AUTS2: variants seen among roughly 807,000 people sequenced by gnomAD.
AUTS2 encodes activator of transcription and developmental regulator AUTS2, also known as autism susceptibility gene 2 protein.
AUTS2 carries 17 observed loss-of-function variants against 112.4 expected under a neutral mutation model. The ratio of observed to expected loss-of-function variants is 0.15; its 90% CI spans 0.10 to 0.23. The LOEUF is 0.23. AUTS2 is among the 10% of genes least tolerant of loss of function. The pLI is 1.00. For synonymous variants in AUTS2, 751 were observed against 702.7 expected, an observed-to-expected ratio of 1.07 and a Z score of -1.09; for missense variants, 1,510 against 1,701.6, an observed-to-expected ratio of 0.89 and a Z score of 1.98.
At chr7:70,203,219 A>C in intron 4 of AUTS2, among the ~76,000 whole-genome samples, 1 of 112,704 alleles carries the variant, frequency 8.9e-6, no homozygotes, top group East Asian at 2.9e-4. Context: ...GGGGAGGGAT[A>C]GCATTGGGAG....
At chr7:69,802,116 T>G (rs1260685563) in intron 1 of AUTS2, among the ~76,000 whole-genome samples, 1 of 152,222 alleles carries the variant, frequency 6.6e-6, no homozygotes, top group Non-Finnish European at 1.5e-5. Flanking sequence ...GGGCTTTCAG[T>G]GGCCTGTTTG....
chr7:70,018,022 G>A (rs571561779), intron 2 of AUTS2, among the ~76,000 whole-genome samples: 178 of 152,042 alleles, frequency 1.2e-3, no homozygotes, highest in Non-Finnish European at 2.3e-3. Context: ...GGTTTGGTTT[G>A]GTTTTGATGG....
At chr7:70,543,841 C>A (rs776098622) in intron 5 of AUTS2, among the ~76,000 whole-genome samples, 1 of 152,196 alleles carries the variant, frequency 6.6e-6, no homozygotes, top group Non-Finnish European at 1.5e-5. Context: ...CAAAGACTAT[C>A]GCCATTTTCT....
At chr7:70,689,710 G>A (rs1419179980) in intron 5 of AUTS2, among the ~76,000 whole-genome samples, 14 of 150,446 alleles carry the variant, frequency 9.3e-5, no homozygotes, top group South Asian at 4.2e-4. Context: ...CGGGAGGCGG[G>A]GCTTGCAGTG....
chr7:69,896,495 G>T (rs888391237), intron 1 of AUTS2, among the ~76,000 whole-genome samples: 3 of 151,354 alleles, frequency 2.0e-5, no homozygotes, highest in African/African-American at 4.9e-5. Flanking sequence ...GGGGTTTCTT[G>T]CTGTTTGCTG....
At chr7:70,373,145 G>A (rs945939990) in intron 4 of AUTS2, among the ~76,000 whole-genome samples, 2 of 150,032 alleles carry the variant, frequency 1.3e-5, no homozygotes, top group South Asian at 2.1e-4. Flanking sequence ...TTTTATGTGA[G>A]AAACCAGGGG....
chr7:70,792,372 A>G lies in AUTS2; in HGVS notation c.*1376A>G, dbSNP rs1204494706. 6.6e-6 allele frequency: 1 copy of G among 152,592 alleles called. No individual in the cohort carries two copies. The highest frequency in any genetic ancestry group is 1.5e-5 in the Non-Finnish European group (1 of 68,038). 9.5% of individuals were successfully genotyped at this position (152,592 alleles called of 1,614,324 possible). A position where few individuals can be genotyped will look rare whatever the true frequency, so the allele number is the denominator to read the frequency against. On this transcript the variant is annotated 3_prime_UTR_variant, in exon 19 of 19. Coordinates refer to ENST00000342771, the MANE Select transcript of AUTS2 (RefSeq NM_015570.4). The stretch of plus-strand genomic sequence containing the variant: ...GGAGAGAATATGACTTTACTAGCAG[A>G]GAAATACAATATATCTTGTCTACTG...
At chr7:69,679,955 A>C (rs1796719621) in intron 1 of AUTS2, among the ~76,000 whole-genome samples, 1 of 152,220 alleles carries the variant, frequency 6.6e-6, no homozygotes, top group Non-Finnish European at 1.5e-5. Context: ...CCTTTAAAAA[A>C]ACTTATAAGA....
intron 4 of AUTS2, among the ~76,000 whole-genome samples, chr7:70,388,512 A>G (rs1007181888): frequency 1.3e-5 from 2 of 152,226 alleles, no homozygotes; most frequent in African/African-American, 4.8e-5. Context: ...TTTCCACACT[A>G]TTATTATTTT....
intron 1 of AUTS2, among the ~76,000 whole-genome samples, chr7:69,828,446 C>G (rs6963882): frequency 0.36 from 54,015 of 152,060 alleles, 10,083 homozygotes; most frequent in African/African-American, 0.46. Flanking sequence ...AAGATAGATA[C>G]TATCTTTGAT....
At chr7:69,824,745 T>C (rs1311780711) in intron 1 of AUTS2, 1 of 152,178 alleles carries the variant, frequency 6.6e-6, no homozygotes, top group Non-Finnish European at 1.5e-5. Flanking sequence ...GCACTTTCAT[T>C]GGCCATACTT....
chr7:70,448,892 C>G (rs1202661699), intron 5 of AUTS2, among the ~76,000 whole-genome samples: 1 of 152,156 alleles, frequency 6.6e-6, no homozygotes, highest in East Asian at 1.9e-4. Flanking sequence ...AATGGACCTC[C>G]ACATGCTCAC....
At chr7:70,566,737 TGAG>T (rs140906924) in intron 5 of AUTS2, among the ~76,000 whole-genome samples, 4 of 152,294 alleles carry the variant, frequency 2.6e-5, no homozygotes, top group Non-Finnish European at 5.9e-5. Context: ...AGGATATTCT[TGAG>T]GAGAAAAAAA....
intron 5 of AUTS2, among the ~76,000 whole-genome samples, chr7:70,446,791 G>T (rs957428441): frequency 1.1e-4 from 16 of 152,160 alleles, no homozygotes; most frequent in African/African-American, 3.9e-4. Context: ...CTGACTTCCT[G>T]CTCAGAGGTG....
chr7:70,485,651 A>C (rs1797963168), intron 5 of AUTS2, among the ~76,000 whole-genome samples: 1 of 151,948 alleles, frequency 6.6e-6, no homozygotes, highest in Non-Finnish European at 1.5e-5. Flanking sequence ...AACCCTTCAA[A>C]AAAAAAGTAT....
intron 5 of AUTS2, among the ~76,000 whole-genome samples, chr7:70,495,342 C>G (rs1354790908): frequency 6.6e-6 from 1 of 151,400 alleles, no homozygotes; most frequent in Non-Finnish European, 1.5e-5. Flanking sequence ...GTTCAAAGAA[C>G]CAGGATTAAT....
chr7:70,105,060 G>A (rs1279797676), intron 2 of AUTS2, among the ~76,000 whole-genome samples: 8 of 152,252 alleles, frequency 5.3e-5, no homozygotes, highest in Middle Eastern at 3.4e-3. Context: ...TATTCCACTA[G>A]CTCTGCATAA....
intron 5 of AUTS2, among the ~76,000 whole-genome samples, chr7:70,644,996 G>A (rs983895085): frequency 1.3e-5 from 2 of 152,156 alleles, no homozygotes; most frequent in Non-Finnish European, 2.9e-5. Flanking sequence ...GAAAGGCCAT[G>A]GCCTAAAATG....
In AUTS2 at chr7:70,698,549, T is replaced by TC. The variant is rs1307616997; in HGVS notation, c.691-15dup. ...ATTAATGACAATAATAATGCTTTTT[T>TC]CCCCCTTCTTGTTTTTCAGGCATCA... is the stretch of plus-strand genomic sequence containing the variant. On this transcript the variant is annotated intron_variant, in intron 5 of 18. Coordinates refer to ENST00000342771, the MANE Select transcript of AUTS2 (RefSeq NM_015570.4). The TC allele has an allele frequency of 3.8e-6, 6 of 1,594,822 alleles. No individual in the cohort carries two copies. In the East Asian group the frequency reaches 9.0e-5, roughly 24 times the overall value.
Sources: gnomAD v4.1 joint callset for allele counts (sites outside exome capture counted in the v4.1 genomes callset) on GRCh38, gnomAD v4.1.1 for gene constraint, MANE v1.5 for transcripts, NCBI Gene and HGNC (gene_info 2026-07-23, HGNC 2026-07-21) for gene names.